CPNE8: variants seen among roughly 807,000 people sequenced by gnomAD.
The protein encoded by CPNE8 is copine 8, also known as copine-8.
CPNE8 carries 45 observed loss-of-function variants against 81.5 expected under a neutral mutation model. The ratio of observed to expected loss-of-function variants is 0.55; its 90% CI spans 0.44 to 0.71. CPNE8 has a LOEUF of 0.71. Ranked by LOEUF, CPNE8 falls within the 30% of genes least tolerant of loss-of-function variation. CPNE8 has a pLI of 0.00. For synonymous variants in CPNE8, 252 were observed against 226.3 expected, an observed-to-expected ratio of 1.11 and a Z score of -1.02; for missense variants, 594 against 672.1, an observed-to-expected ratio of 0.88 and a Z score of 1.28.
chr12:38,864,484 A>G (rs1397905154), intron 3 of CPNE8, among the ~76,000 whole-genome samples: 1 of 152,134 alleles, frequency 6.6e-6, no homozygotes, highest in East Asian at 1.9e-4. Context: ...AAAAACTACA[A>G]AGCTCATGCC....
At chr12:38,728,797 C>A (rs826874) in intron 11 of CPNE8, among the ~76,000 whole-genome samples, 78,119 of 151,944 alleles carry the variant, frequency 0.51, 20,417 homozygotes, top group Middle Eastern at 0.67. Flanking sequence ...GTATTGGACC[C>A]AAGATTGTCC....
chr12:38,882,777 C>G (rs1261613448), intron 1 of CPNE8, among the ~76,000 whole-genome samples: 1 of 152,192 alleles, frequency 6.6e-6, no homozygotes, highest in Non-Finnish European at 1.5e-5. Context: ...AGCTGCACCT[C>G]TATCCATATT....
intron 17 of CPNE8, among the ~76,000 whole-genome samples, 161 bp from the exon 18 acceptor site, chr12:38,675,935 C>T (rs1229032936): frequency 2.6e-5 from 4 of 151,782 alleles, no homozygotes; most frequent in Non-Finnish European, 4.4e-5. Context: ...GCCTGGGCAA[C>T]ATAGTGAGAC....
At chr12:38,788,246 T>A (rs1053504549) in intron 6 of CPNE8, among the ~76,000 whole-genome samples, 3 of 151,864 alleles carry the variant, frequency 2.0e-5, no homozygotes, top group African/African-American at 7.2e-5. Context: ...CAACAATACA[T>A]TAAGAAGATT....
At chr12:38,845,622 C>T (rs1309723843) in intron 4 of CPNE8, among the ~76,000 whole-genome samples, 2 of 151,734 alleles carry the variant, frequency 1.3e-5, no homozygotes, top group South Asian at 2.1e-4. Context: ...ATATATAACT[C>T]GTGAACTATT....
In CPNE8 at chr12:38,848,836, C is replaced by A. The variant is rs574017178; in HGVS notation, c.187-174G>T. On this transcript the variant is annotated intron_variant, in intron 3 of 19. Transcript: ENST00000331366. ...TTATTCAGGGAAATCATAAAATAAG[C>A]CCTGAGTTCATTCAAAAATCAGCTT... Among the ~76,000 whole-genome samples the A allele has an allele frequency of 3.3e-5, 5 of 152,140 alleles. No individual in the cohort carries two copies. The East Asian group carries it at 7.7e-4, about 24-fold the overall frequency.
intron 6 of CPNE8, among the ~76,000 whole-genome samples, chr12:38,796,024 G>T (rs925769862): frequency 1.3e-5 from 2 of 152,170 alleles, no homozygotes; most frequent in Non-Finnish European, 2.9e-5. Context: ...ACTTTGAGAG[G>T]CCGAGGCAGG....
intron 6 of CPNE8, among the ~76,000 whole-genome samples, chr12:38,815,284 C>T (rs1345622463): frequency 6.6e-6 from 1 of 152,056 alleles, no homozygotes; most frequent in East Asian, 1.9e-4. Flanking sequence ...TTTTCAAGCC[C>T]CCCAGCACTT....
At chr12:38,693,554 G>T in intron 15 of CPNE8, 103 bp downstream of exon 15, 1 of 1,010,258 alleles carries the variant, frequency 9.9e-7, no homozygotes, top group Non-Finnish European at 1.4e-6. Flanking sequence ...GCTACAGTCA[G>T]TAAAGCTTGC....
intron 13 of CPNE8, among the ~76,000 whole-genome samples, chr12:38,712,310 C>T (rs1033061047): frequency 1.3e-5 from 2 of 151,654 alleles, no homozygotes; most frequent in East Asian, 1.9e-4. Flanking sequence ...GTTTAACAAT[C>T]CCCGCCCCTG....
chr12:38,902,592 A>G (rs985136013), intron 1 of CPNE8, among the ~76,000 whole-genome samples: 4 of 152,178 alleles, frequency 2.6e-5, no homozygotes, highest in Admixed American at 6.5e-5. Context: ...GAGGCCTTCA[A>G]CTGTGCTTTG....
rs1938731198 is a variant in CPNE8, at chr12:38,652,927, A to T, written c.*955T>A. 1 of 152,670 alleles carries T rather than the reference A, an allele frequency of 6.6e-6. No individual in the cohort carries two copies. The highest frequency in any genetic ancestry group is 2.1e-4 in the South Asian group (1 of 4,830). The allele number at this position is 152,670 out of a possible 1,614,324, so 9.5% of individuals were successfully genotyped here. A position where few individuals can be genotyped will look rare whatever the true frequency, so the allele number is the denominator to read the frequency against. ...GTGGCAACGTGGAATGGTGATAACAAGAAATTCCGATCAAGAGAGCCAGTA... is the reference window on the plus strand; with the variant it reads ...GTGGCAACGTGGAATGGTGATAACATGAAATTCCGATCAAGAGAGCCAGTA... On this transcript the variant is annotated 3_prime_UTR_variant, in exon 20 of 20. Transcript: ENST00000331366.
At chr12:38,695,039 C>T (rs987920655) in intron 14 of CPNE8, among the ~76,000 whole-genome samples, 1 of 152,090 alleles carries the variant, frequency 6.6e-6, no homozygotes, top group South Asian at 2.1e-4. Flanking sequence ...CTCCACATAA[C>T]AAAATCACTA....
intron 19 of CPNE8, among the ~76,000 whole-genome samples, chr12:38,667,040 A>G (rs779347752): frequency 6.6e-6 from 1 of 152,206 alleles, no homozygotes; most frequent in Non-Finnish European, 1.5e-5. Context: ...TATTTACTAT[A>G]CTAATAAAAC....
intron 6 of CPNE8, among the ~76,000 whole-genome samples, chr12:38,784,716 C>T (rs2136913035): frequency 6.6e-6 from 1 of 151,890 alleles, no homozygotes; most frequent in South Asian, 2.1e-4. Flanking sequence ...AAAAGAGTGG[C>T]ATGACATATA....
At chr12:38,720,135 C>T (rs1376085622) in intron 13 of CPNE8, among the ~76,000 whole-genome samples, 1 of 152,196 alleles carries the variant, frequency 6.6e-6, no homozygotes, top group Non-Finnish European at 1.5e-5. Flanking sequence ...AACTGTACCC[C>T]ATAAGTTGGG....
At chr12:38,884,814 C>T (rs951414653) in intron 1 of CPNE8, among the ~76,000 whole-genome samples, 14 of 151,940 alleles carry the variant, frequency 9.2e-5, no homozygotes, top group South Asian at 4.1e-4. Flanking sequence ...AATTACAAAA[C>T]GCTCTCGTGT....
chr12:38,818,068 T>C (rs1209059026), intron 6 of CPNE8, among the ~76,000 whole-genome samples: 1 of 152,220 alleles, frequency 6.6e-6, no homozygotes. Flanking sequence ...ACAGTACTTG[T>C]CTAGCTCGTA....
chr12:38,813,685 T>C (rs1327204657), intron 6 of CPNE8, among the ~76,000 whole-genome samples: 1 of 152,192 alleles, frequency 6.6e-6, no homozygotes, highest in Non-Finnish European at 1.5e-5. Context: ...GTTTAAACTT[T>C]GTTGATTCAC....
Sources: allele counts gnomAD v4.1 joint callset (sites outside exome capture counted in the v4.1 genomes callset), GRCh38; gene constraint gnomAD v4.1.1; transcripts MANE v1.5; gene names NCBI Gene and HGNC (gene_info 2026-07-23, HGNC 2026-07-21).